Variants in HNRNPH2 observed in about 807,000 individuals in gnomAD.
HNRNPH2 encodes the protein heterogeneous nuclear ribonucleoprotein H2, also known as FTP-3.
For synonymous variants in HNRNPH2, 128 were observed against 128.2 expected (o/e 1.00, Z 0.01); for missense variants, 115 against 352.9 (o/e 0.33, Z 5.40).
Position 101,413,202 on chromosome X carries a change from A to G in HNRNPH2, c.1214A>G (p.Gln405Arg), listed in dbSNP as rs1461600460. 1 of 1,209,934 alleles carries G rather than the reference A, an allele frequency of 8.3e-7. No homozygotes were observed. The highest frequency in any genetic ancestry group is 1.1e-6 in the Non-Finnish European group (1 of 895,237). ...QMMGGMGLSN[Q>R]SSYGGPASQQ... ...ATGGGAGGGATGGGCTTATCCAACC[A>G]GTCTAGTTATGGAGGTCCTGCTAGC... Residue 405 changes from glutamine to arginine, a missense_variant, in exon 2 of 2, where the codon CAG becomes CGG. Gln to Arg is a conservative substitution (Grantham distance 43, BLOSUM62 1). Coordinates refer to ENST00000316594, the MANE Select transcript of HNRNPH2 (RefSeq NM_019597.5).
intron 1 of HNRNPH2, among the ~76,000 whole-genome samples, chrX:101,409,673 A>G (rs921317881): frequency 6.3e-5 from 7 of 111,512 alleles, no homozygotes; most frequent in African/African-American, 2.3e-4. Flanking sequence ...AAAAAGCGAA[A>G]AGCCCACTTC....
intron 1 of HNRNPH2, 70 bp from the exon 2 acceptor site, chrX:101,411,866 G>GT (rs782411129): frequency 7.3e-5 from 76 of 1,045,756 alleles, no homozygotes; most frequent in South Asian, 7.2e-4. Flanking sequence ...TCTATTAATA[G>GT]TTTGCTTTTT....
rs1928699935 is a variant in HNRNPH2, at chrX:101,409,407, A to G, written c.-54+1088A>G. Among the ~76,000 whole-genome samples, 5 of 112,358 alleles carry G rather than the reference A, an allele frequency of 4.5e-5. No individual in the cohort carries two copies. In the South Asian group the frequency reaches 1.8e-3, roughly 40 times the overall value. On this transcript the variant is annotated intron_variant, in intron 1 of 1. Coordinates refer to ENST00000316594, the MANE Select transcript of HNRNPH2 (RefSeq NM_019597.5). ...TAAACCATCCACATACAAAATTAGA[A>G]AATTTTATAAAATTTCCTATACCAA...
intron 1 of HNRNPH2, among the ~76,000 whole-genome samples, chrX:101,409,505 A>G (rs1928703856): frequency 8.9e-6 from 1 of 112,548 alleles, no homozygotes; most frequent in Non-Finnish European, 1.9e-5. Flanking sequence ...TTATTTCTGT[A>G]GAAATTTAAG....
rs781916303 is a variant in HNRNPH2 at position 101,411,202 on chromosome X, A to G, written c.-53-734A>G. On this transcript the variant is annotated intron_variant, in intron 1 of 1. Coordinates refer to ENST00000316594, the MANE Select transcript of HNRNPH2 (RefSeq NM_019597.5). ...ATGTCTTTTTTTCATTTATCTCTGG[A>G]GCCCAAATATTTCCCTGATTTTATT... Among the ~76,000 whole-genome samples, 3 of 110,739 alleles carry G rather than the reference A, an allele frequency of 2.7e-5. No individual in the cohort carries two copies. The South Asian group carries it at 1.1e-3, about 42-fold the overall frequency.
chrX:101,411,252 G>T (rs1928782010), intron 1 of HNRNPH2, among the ~76,000 whole-genome samples: 1 of 109,342 alleles, frequency 9.1e-6, no homozygotes, highest in Non-Finnish European at 1.9e-5. Context: ...TTTATATAAT[G>T]AAGATATTAT....
At chrX:101,409,576 C>T (rs958455725) in intron 1 of HNRNPH2, among the ~76,000 whole-genome samples, 1 of 111,707 alleles carries the variant, frequency 9.0e-6, no homozygotes, top group Non-Finnish European at 1.9e-5. Context: ...CTCAGAGTAA[C>T]CACTAATATG....
rs188927472 is a variant in HNRNPH2, at chrX:101,410,924, G to C, written c.-53-1012G>C. 2.0e-4 allele frequency among the ~76,000 whole-genome samples: 22 copies of C among 111,748 alleles called. No homozygotes were observed. The East Asian group carries it at 3.6e-3, about 19-fold the overall frequency. The stretch of plus-strand genomic sequence containing the variant: ...TATGGATCCCTGGGCAGATTAGTCT[G>C]TTTCATTTAACCATTTGGCCTCCAA... On this transcript the variant is annotated intron_variant, in intron 1 of 1. Transcript: ENST00000316594.
chrX:101,413,293 A>C lies in HNRNPH2; in HGVS notation c.1305A>C (p.Gln435His). The change falls in exon 2 of 2, where the codon CAA becomes CAC. Residue 435 changes from glutamine (Q) to histidine (H), a missense_variant. Transcript: ENST00000316594. ...GGQSSMSGYD[Q>H]VLQENSSDYQ... The stretch of plus-strand genomic sequence containing the variant: ...AGAGCAGTATGAGTGGATATGACCA[A>C]GTTCTGCAGGAAAACTCCAGTGACT... 8.4e-7 allele frequency: 1 copy of C among 1,195,283 alleles called. No individual in the cohort carries two copies. Among genetic ancestry groups the C allele is most frequent in the African/African-American group, 1.7e-5 (1 of 57,173 alleles).
chrX:101,411,204 C>T (rs1027506821), intron 1 of HNRNPH2, among the ~76,000 whole-genome samples: 6 of 110,316 alleles, frequency 5.4e-5, no homozygotes, highest in Non-Finnish European at 9.5e-5. Flanking sequence ...ATCTCTGGAG[C>T]CCAAATATTT....
Position 101,413,349 on chromosome X carries a change from A to T in HNRNPH2, c.*11A>T, listed in dbSNP as rs782485100. 1 of 1,141,179 alleles carries T rather than the reference A, an allele frequency of 8.8e-7. No homozygotes were observed. Among genetic ancestry groups the T allele is most frequent in the South Asian group, 2.1e-5 (1 of 47,913 alleles). The allele number at this position is 1,141,179 out of a possible 1,213,427, so 94.0% of individuals were successfully genotyped here. A position where few individuals can be genotyped will look rare whatever the true frequency, so the allele number is the denominator to read the frequency against. On this transcript the variant is annotated 3_prime_UTR_variant, in exon 2 of 2. Transcript: ENST00000316594. ...TCAAACCTTGCTTAGGTAGAGAAGG[A>T]GCACTAAATAGCTACTCCAGATATA...
rs201300968 is a variant in HNRNPH2, at chrX:101,412,757, T to A, written c.769T>A (p.Ser257Thr). 400 of 1,208,274 alleles carry A rather than the reference T, an allele frequency of 3.3e-4. No homozygotes were observed. The highest frequency in any genetic ancestry group is 5.3e-4 in the South Asian group (30 of 56,756). Residue 257 changes from serine (S) to threonine (T), a missense_variant, in exon 2 of 2, where the codon TCT (serine) becomes ACT (threonine). Transcript: ENST00000316594. ...GGYNDGYGFG[S>T]DRFGRDLNYC... is the part of the protein sequence containing the mutation. ...CTATAATGATGGATATGGCTTTGGG[T>A]CTGATAGATTTGGAAGAGACCTCAA...
intron 1 of HNRNPH2, among the ~76,000 whole-genome samples, chrX:101,408,970 A>T (rs1263959696): frequency 9.0e-6 from 1 of 111,350 alleles, no homozygotes; most frequent in East Asian, 2.8e-4. Context: ...ACACATATAA[A>T]TACACAAATT....
At chrX:101,410,452 AT>A (rs1199370121) in intron 1 of HNRNPH2, among the ~76,000 whole-genome samples, 1 of 112,246 alleles carries the variant, frequency 8.9e-6, no homozygotes, top group African/African-American at 3.2e-5. Context: ...ATTAGTTCTG[AT>A]TTTAACTTGC....
intron 1 of HNRNPH2, among the ~76,000 whole-genome samples, chrX:101,410,086 G>A (rs1928733054): frequency 9.0e-6 from 1 of 111,515 alleles, no homozygotes; most frequent in Non-Finnish European, 1.9e-5. Flanking sequence ...TGTGCTCTTG[G>A]GTCACTTACA....
chrX:101,411,469 G>A (rs1487275345), intron 1 of HNRNPH2, among the ~76,000 whole-genome samples: 3 of 91,506 alleles, frequency 3.3e-5, no homozygotes, highest in Non-Finnish European at 6.2e-5. Context: ...AGGCTGGAGT[G>A]CAGTGGCGTG....
At chrX:101,410,398 T>C (rs1928746592) in intron 1 of HNRNPH2, among the ~76,000 whole-genome samples, 1 of 112,464 alleles carries the variant, frequency 8.9e-6, no homozygotes, top group Admixed American at 9.4e-5. Flanking sequence ...ACTGATTTAC[T>C]GTTGCTGTTT....
At chrX:101,410,257 G>A (rs912674711) in intron 1 of HNRNPH2, among the ~76,000 whole-genome samples, 1 of 112,395 alleles carries the variant, frequency 8.9e-6, no homozygotes, top group Admixed American at 9.4e-5. Context: ...TAACTGAAAT[G>A]TATTTGCTGT....
chrX:101,412,777 C>T lies in HNRNPH2; in HGVS notation c.789C>T (p.Asp263=), dbSNP rs1569308126. The change falls in exon 2 of 2, where the codon GAC becomes GAT. Residue 263 remains aspartate, a synonymous_variant. Transcript: ENST00000316594. The part of the protein sequence containing the change: ...YGFGSDRFGR[D]LNYCFSGMSD... ...TTGGGTCTGATAGATTTGGAAGAGA[C>T]CTCAATTACTGTTTTTCAGGAATGT... 8.3e-7 allele frequency: 1 copy of T among 1,209,186 alleles called. No individual in the cohort carries two copies. Among genetic ancestry groups the T allele is most frequent in the East Asian group, 3.0e-5 (1 of 33,821 alleles).
Sources: gnomAD v4.1 joint callset for allele counts (sites outside exome capture counted in the v4.1 genomes callset) on GRCh38, gnomAD v4.1.1 for gene constraint, MANE v1.5 for transcripts, NCBI Gene and HGNC (gene_info 2026-07-23, HGNC 2026-07-21) for gene names.